Variants in HMGA2 observed in about 807,000 individuals in gnomAD.
The protein encoded by HMGA2 is high mobility group protein HMGI-C.
A neutral mutation model predicts 19.1 loss-of-function variants in HMGA2; 8 were observed. The ratio of observed to expected loss-of-function variants is 0.42; its 90% CI spans 0.25 to 0.76. The LOEUF (loss-of-function observed/expected upper bound fraction) is 0.76. Ranked by LOEUF, HMGA2 falls within the 30% of genes least tolerant of loss-of-function variation. The pLI is 0.28. For synonymous variants in HMGA2, 60 were observed against 48.8 expected (o/e 1.23, Z -0.96); for missense variants, 109 against 136.3 (o/e 0.80, Z 1.00).
chr12:65,867,407 G>A, intron 3 of HMGA2: 1 of 420,330 alleles, frequency 2.4e-6, no homozygotes. Context: ...CCAGGAACCA[G>A]CACACTTGGA....
chr12:65,861,270 G>A lies in HMGA2; in HGVS notation c.249+22701G>A, dbSNP rs542052888. On this transcript the variant is annotated intron_variant, in intron 3 of 4. Coordinates refer to ENST00000403681, the MANE Select transcript of HMGA2 (RefSeq NM_003483.6). ...GGTCCCAGCTACTTGGGAGGCTGAGGCAGGAGAATCGCTTGAACCTGGGAG... is the reference window on the plus strand; with the variant it reads ...GGTCCCAGCTACTTGGGAGGCTGAGACAGGAGAATCGCTTGAACCTGGGAG... Among the ~76,000 whole-genome samples the A allele has an allele frequency of 3.3e-5, 5 of 152,270 alleles. No individual in the cohort carries two copies. In the East Asian group the frequency reaches 9.7e-4, roughly 29 times the overall value.
chr12:65,842,866 G>C, intron 3 of HMGA2: 1 of 1,303,594 alleles, frequency 7.7e-7, no homozygotes. Context: ...GAAAGTTTTA[G>C]AGAGTGGGGC....
intron 3 of HMGA2, among the ~76,000 whole-genome samples, chr12:65,919,380 A>G (rs1565732526): frequency 6.7e-6 from 1 of 149,916 alleles, no homozygotes; most frequent in East Asian, 1.9e-4. Flanking sequence ...TATCTACTTT[A>G]AAAAAAAAAT....
At chr12:65,876,498 T>C (rs76875608) in intron 3 of HMGA2, among the ~76,000 whole-genome samples, 3,851 of 152,340 alleles carry the variant, frequency 0.025, 172 homozygotes, top group African/African-American at 0.089. Flanking sequence ...TCTTAATATG[T>C]ACACAACTAT....
intron 3 of HMGA2, 82 bp downstream of exon 3, chr12:65,838,651 G>T: frequency 1.0e-6 from 1 of 995,678 alleles, no homozygotes; most frequent in Non-Finnish European, 1.5e-6. Flanking sequence ...TTATTTCGTC[G>T]ATTACATGAA....
chr12:65,866,607 G>C, intron 3 of HMGA2, among the ~76,000 whole-genome samples: 1 of 152,198 alleles, frequency 6.6e-6, no homozygotes, highest in East Asian at 1.9e-4. Flanking sequence ...TAAAAGGCAA[G>C]ATGATTCATT....
Position 65,825,390 on chromosome 12 carries a change from G to A in HMGA2, c.111+9G>A, listed in dbSNP as rs573555151. On this transcript the variant is annotated intron_variant, in intron 1 of 4. Transcript: ENST00000403681. The surrounding 1 kb of genome is among the most constrained non-coding windows in gnomAD (Gnocchi z 4.4). ...CCAGGAAGCAGCAGCAAGTCAGTAC[G>A]AGGGCGCGGTGGGGGCACCAGCCCA... The A allele has an allele frequency of 2.6e-6, 4 of 1,513,516 alleles. No individual in the cohort carries two copies. The highest frequency in any genetic ancestry group is 3.5e-6 in the Non-Finnish European group (4 of 1,133,468). 93.8% of individuals were successfully genotyped at this position (1,513,516 alleles called of 1,614,324 possible).
chr12:65,927,831 C>CTGTGTGTGTGTG (rs143707177), intron 3 of HMGA2, among the ~76,000 whole-genome samples: 1 of 145,082 alleles, frequency 6.9e-6, no homozygotes, highest in African/African-American at 2.5e-5. Flanking sequence ...CTCTTTGTAT[C>CTGTGTGTGTGTG]TGTGTGTGTG....
chr12:65,944,595 G>T (rs1425613649), intron 3 of HMGA2, among the ~76,000 whole-genome samples: 1 of 152,138 alleles, frequency 6.6e-6, no homozygotes, highest in Non-Finnish European at 1.5e-5. Context: ...AAAAAGCTAC[G>T]CAGAAGGTAC....
chr12:65,956,358 C>T (rs963075147), intron 4 of HMGA2: 2 of 152,154 alleles, frequency 1.3e-5, no homozygotes, highest in African/African-American at 2.4e-5. Context: ...TTGACTTAAC[C>T]TCTGACCTCT....
intron 3 of HMGA2, chr12:65,851,707 A>G (rs1370710937): frequency 4.9e-6 from 2 of 406,404 alleles, no homozygotes; most frequent in African/African-American, 4.2e-5. Flanking sequence ...CCCTGTGAAA[A>G]TATGTTGTCA....
At chr12:65,948,320 AACT>A (rs1876336330) in intron 3 of HMGA2, 1 of 152,212 alleles carries the variant, frequency 6.6e-6, no homozygotes, top group Non-Finnish European at 1.5e-5. Flanking sequence ...GGTCTTATAA[AACT>A]CTAGTGGCCA....
intron 3 of HMGA2, among the ~76,000 whole-genome samples, chr12:65,937,208 A>G (rs1875927560): frequency 1.3e-5 from 2 of 152,226 alleles, no homozygotes; most frequent in South Asian, 4.1e-4. Context: ...ATAAGCCCAG[A>G]CATACCAAAC....
intron 4 of HMGA2, chr12:65,957,889 T>G (rs1876647119): frequency 6.6e-6 from 1 of 152,102 alleles, no homozygotes; most frequent in African/African-American, 2.4e-5. Context: ...CTTTAATAGT[T>G]TTTTTCTTTC....
At chr12:65,931,274 G>C (rs898255678) in intron 3 of HMGA2, among the ~76,000 whole-genome samples, 12 of 152,000 alleles carry the variant, frequency 7.9e-5, no homozygotes, top group African/African-American at 2.9e-4. Flanking sequence ...TCTGCCCACA[G>C]CCATTCTGCA....
At chr12:65,850,958 A>G (rs952058225) in intron 3 of HMGA2, among the ~76,000 whole-genome samples, 2 of 152,122 alleles carry the variant, frequency 1.3e-5, no homozygotes, top group East Asian at 3.9e-4. Flanking sequence ...TTCTTAGTCC[A>G]TTTCCTCTTG....
At chr12:65,947,918 T>A (rs1261680975) in intron 3 of HMGA2, among the ~76,000 whole-genome samples, 3 of 152,186 alleles carry the variant, frequency 2.0e-5, no homozygotes, top group African/African-American at 7.2e-5. Context: ...TGCTGAACAA[T>A]CTGGAGATGA....
intron 4 of HMGA2, chr12:65,955,569 C>G (rs1876582426): frequency 6.6e-6 from 1 of 152,202 alleles, no homozygotes; most frequent in Admixed American, 6.5e-5. Context: ...TTTTTAAAAT[C>G]CTAACAGCTC....
intron 3 of HMGA2, among the ~76,000 whole-genome samples, chr12:65,877,384 T>C (rs1269234601): frequency 6.6e-6 from 1 of 152,122 alleles, no homozygotes. Flanking sequence ...AGAATGGTAC[T>C]GTGCAGAGAG....
Sources: allele counts gnomAD v4.1 joint callset (sites outside exome capture counted in the v4.1 genomes callset), GRCh38; gene constraint gnomAD v4.1.1; non-coding constraint Gnocchi (gnomAD v3.1); transcripts MANE v1.5; gene names NCBI Gene and HGNC (gene_info 2026-07-23, HGNC 2026-07-21).